HIBADH: variants seen among roughly 807,000 people sequenced by gnomAD.
The protein encoded by HIBADH is 3-hydroxyisobutyrate dehydrogenase.
Under a neutral mutation model 36.1 loss-of-function variants are expected in HIBADH, and 25 were observed. The ratio of observed to expected loss-of-function variants is 0.69; its 90% CI spans 0.50 to 0.97. HIBADH has a LOEUF of 0.97. Ranked by LOEUF, HIBADH falls within the 50% of genes least tolerant of loss-of-function variation. HIBADH has a pLI of 0.00. For missense variants in HIBADH, 421 were observed against 418.0 expected, an observed-to-expected ratio of 1.01 and a Z score of -0.06; for synonymous variants, 160 against 149.5, an observed-to-expected ratio of 1.07 and a Z score of -0.51.
intron 4 of HIBADH, among the ~76,000 whole-genome samples, chr7:27,548,942 A>C (rs918656022): frequency 1.3e-5 from 2 of 152,188 alleles, no homozygotes; most frequent in Admixed American, 1.3e-4. Flanking sequence ...TCTTGCTGTC[A>C]ACTGTAGGTA....
At chr7:27,612,024 C>G (rs1785329682) in intron 4 of HIBADH, among the ~76,000 whole-genome samples, 2 of 151,964 alleles carry the variant, frequency 1.3e-5, no homozygotes, top group Admixed American at 1.3e-4. Flanking sequence ...GCAATTATCA[C>G]TGAAATTATT....
chr7:27,586,028 G>A (rs1014317183), intron 4 of HIBADH, among the ~76,000 whole-genome samples: 10 of 152,146 alleles, frequency 6.6e-5, no homozygotes, highest in African/African-American at 1.9e-4. Flanking sequence ...GGACGTGAAG[G>A]GGGAGGTGAC....
At chr7:27,605,691 T>C (rs1278078198) in intron 4 of HIBADH, among the ~76,000 whole-genome samples, 2 of 151,648 alleles carry the variant, frequency 1.3e-5, no homozygotes, top group African/African-American at 4.8e-5. Flanking sequence ...TTTACTTTCG[T>C]TTTAATATCA....
intron 4 of HIBADH, among the ~76,000 whole-genome samples, chr7:27,551,344 T>C (rs1380213763): frequency 6.6e-6 from 1 of 152,178 alleles, no homozygotes; most frequent in Non-Finnish European, 1.5e-5. Context: ...TCAATCTTGG[T>C]TTCTTCATCT....
intron 2 of HIBADH, among the ~76,000 whole-genome samples, chr7:27,635,701 C>A (rs541987966): frequency 6.6e-6 from 1 of 152,184 alleles, no homozygotes; most frequent in Non-Finnish European, 1.5e-5. Context: ...GGACTTTCAC[C>A]GTGCAGGTTT....
chr7:27,645,368 A>ATGTTTTTTTGTTTTTTTTTT (rs1554300959), intron 2 of HIBADH, among the ~76,000 whole-genome samples: 1 of 59,652 alleles, frequency 1.7e-5, no homozygotes. Flanking sequence ...CATGGTTTTG[A>ATGTTTTTTTGTTTTTTTTTT]TTTTTTTTTT....
At chr7:27,528,811 A>G (rs1275241423) in intron 7 of HIBADH, among the ~76,000 whole-genome samples, 1 of 152,086 alleles carries the variant, frequency 6.6e-6, no homozygotes, top group Non-Finnish European at 1.5e-5. Flanking sequence ...AGTGTAGATG[A>G]AACAGCCTGC....
chr7:27,613,045 AAT>A (rs1182468278), intron 4 of HIBADH, among the ~76,000 whole-genome samples: 10 of 128,178 alleles, frequency 7.8e-5, no homozygotes, highest in East Asian at 2.0e-4. Flanking sequence ...ATAATATATA[AAT>A]ATATATAATA....
chr7:27,534,634 C>T (rs1465779190), intron 6 of HIBADH, among the ~76,000 whole-genome samples: 1 of 152,076 alleles, frequency 6.6e-6, no homozygotes, highest in Non-Finnish European at 1.5e-5. Flanking sequence ...CAGGTATATT[C>T]TTAAGATATG....
At chr7:27,545,468 T>C (rs1183073031) in intron 4 of HIBADH, among the ~76,000 whole-genome samples, 1 of 152,060 alleles carries the variant, frequency 6.6e-6, no homozygotes, top group Non-Finnish European at 1.5e-5. Context: ...GAAATTATCC[T>C]GAAATAAATG....
At position 27,572,187 on chromosome 7, in the gene HIBADH, GCTT is replaced by G. The variant is rs1357299095; in HGVS notation, c.485-29090_485-29088del. 5.9e-5 allele frequency among the ~76,000 whole-genome samples: 9 copies of G among 152,290 alleles called. 1 individual carries two copies. The highest frequency in any genetic ancestry group is 2.2e-4 in the African/African-American group (9 of 41,560). Reference sequence around the variant, plus strand: ...AGCATTTGCTTCCAGGTCAGCCAGAGCTTCTGGCTTTATTTATTATTCTTATTT... The same window carrying G: ...AGCATTTGCTTCCAGGTCAGCCAGAGCTGGCTTTATTTATTATTCTTATTT... On this transcript the variant is annotated intron_variant, in intron 4 of 7. Transcript: ENST00000265395.
At chr7:27,643,261 T>C (rs925425956) in intron 2 of HIBADH, among the ~76,000 whole-genome samples, 1 of 152,122 alleles carries the variant, frequency 6.6e-6, no homozygotes, top group South Asian at 2.1e-4. Context: ...CCTTAACCCA[T>C]AGTGATTAGA....
chr7:27,626,853 G>T (rs1357089356), intron 4 of HIBADH, among the ~76,000 whole-genome samples: 10 of 152,100 alleles, frequency 6.6e-5, no homozygotes, highest in African/African-American at 2.4e-4. Flanking sequence ...TGAAGACTTG[G>T]GAGAAAGGGA....
chr7:27,660,582 G>A (rs536190303), intron 1 of HIBADH, among the ~76,000 whole-genome samples: 3 of 151,986 alleles, frequency 2.0e-5, no homozygotes, highest in African/African-American at 7.3e-5. Context: ...GGAGAATGGC[G>A]TGAACCTGGG....
intron 2 of HIBADH, among the ~76,000 whole-genome samples, chr7:27,642,800 C>T (rs1198743665): frequency 4.0e-5 from 6 of 151,572 alleles, no homozygotes; most frequent in African/African-American, 1.5e-4. Context: ...TACAGGCGCC[C>T]GCCATTACGC....
intron 4 of HIBADH, among the ~76,000 whole-genome samples, chr7:27,595,686 A>G (rs1367777368): frequency 6.6e-6 from 1 of 151,992 alleles, no homozygotes; most frequent in African/African-American, 2.4e-5. Context: ...TTTATTGAAT[A>G]AATGAATGAG....
At chr7:27,643,875 T>C (rs868348302) in intron 2 of HIBADH, among the ~76,000 whole-genome samples, 5 of 152,292 alleles carry the variant, frequency 3.3e-5, no homozygotes, top group Middle Eastern at 3.4e-3. Flanking sequence ...TCATATGGCC[T>C]TCCCCTCTGT....
chr7:27,571,974 A>G (rs1049630282), intron 4 of HIBADH, among the ~76,000 whole-genome samples: 3 of 152,194 alleles, frequency 2.0e-5, no homozygotes, highest in Admixed American at 1.3e-4. Context: ...TAGATTCTTT[A>G]ACTAGCAGGC....
chr7:27,605,872 T>C (rs1785216473), intron 4 of HIBADH, among the ~76,000 whole-genome samples: 1 of 152,174 alleles, frequency 6.6e-6, no homozygotes, highest in Admixed American at 6.5e-5. Flanking sequence ...TTGGATGCAA[T>C]GCCACCTGGT....
Sources: allele counts gnomAD v4.1 joint callset (sites outside exome capture counted in the v4.1 genomes callset), GRCh38; gene constraint gnomAD v4.1.1; transcripts MANE v1.5; gene names NCBI Gene and HGNC (gene_info 2026-07-23, HGNC 2026-07-21).